The following FMN2 variants were observed in gnomAD, a reference collection of about 807,000 sequenced individuals.
The protein encoded by FMN2 is formin-2.
FMN2 carries 51 observed loss-of-function variants against 142.3 expected under a neutral mutation model. That is an observed-to-expected ratio of 0.36 (90% CI 0.29 to 0.45). The LOEUF is 0.45. Ranked by LOEUF, FMN2 falls within the 20% of genes least tolerant of loss-of-function variation. The pLI, the probability that FMN2 is intolerant of heterozygous loss-of-function variation, is 1.00. For missense variants in FMN2, 1,936 were observed against 2,122.8 expected (o/e 0.91, Z 1.73); for synonymous variants, 882 against 869.8 (o/e 1.01, Z -0.25).
chr1:240,355,944 C>T (rs768118453), intron 14 of FMN2, 36 bp downstream of exon 14: 17 of 337,658 alleles, frequency 5.0e-5, no homozygotes, highest in Non-Finnish European at 7.3e-5. Flanking sequence ...TTTTTCTCCC[C>T]TTTCAGCAAA....
At chr1:240,110,705 C>T (rs868358812) in intron 1 of FMN2, among the ~76,000 whole-genome samples, 4 of 151,938 alleles carry the variant, frequency 2.6e-5, no homozygotes, top group Non-Finnish European at 5.9e-5. Flanking sequence ...GGGATTAGTA[C>T]AGCAATAATT....
intron 4 of FMN2, among the ~76,000 whole-genome samples, chr1:240,190,226 G>A (rs988619105): frequency 1.3e-5 from 2 of 152,150 alleles, no homozygotes; most frequent in African/African-American, 4.8e-5. Flanking sequence ...GAAATAGATT[G>A]AATAAATGTT....
intron 1 of FMN2, among the ~76,000 whole-genome samples, chr1:240,095,000 T>C (rs1221388775): frequency 1.3e-5 from 2 of 152,178 alleles, no homozygotes. Flanking sequence ...CATACTCTTA[T>C]TTTTCTTCTT....
intron 8 of FMN2, among the ~76,000 whole-genome samples, chr1:240,324,649 A>G (rs1671093852): frequency 6.8e-6 from 1 of 146,164 alleles, no homozygotes; most frequent in South Asian, 2.4e-4. Flanking sequence ...CAACAGAGTG[A>G]CAGAGTGAGA....
At chr1:240,284,341 G>C (rs979520193) in intron 7 of FMN2, among the ~76,000 whole-genome samples, 1 of 151,942 alleles carries the variant, frequency 6.6e-6, no homozygotes, top group African/African-American at 2.4e-5. Flanking sequence ...CTTTTAAGCT[G>C]GGGGGGAGGA....
chr1:240,168,986 G>A (rs1413385620), intron 2 of FMN2, among the ~76,000 whole-genome samples: 3 of 152,172 alleles, frequency 2.0e-5, no homozygotes, highest in African/African-American at 7.2e-5. Flanking sequence ...GGCCAGGCAG[G>A]TGGATCATGA....
chr1:240,250,348 C>G (rs1262351916), intron 6 of FMN2, among the ~76,000 whole-genome samples: 3 of 152,076 alleles, frequency 2.0e-5, no homozygotes, highest in African/African-American at 7.2e-5. Flanking sequence ...TTGAGATGAT[C>G]ATATGGCTTT....
chr1:240,334,285 G>T, intron 13 of FMN2, 56 bp downstream of exon 13: 1 of 1,485,496 alleles, frequency 6.7e-7, no homozygotes, highest in Non-Finnish European at 8.9e-7. Flanking sequence ...ATGAGAGAAG[G>T]CAGACTTTTC....
At chr1:240,237,730 C>G (rs1454873688) in intron 6 of FMN2, among the ~76,000 whole-genome samples, 1 of 131,432 alleles carries the variant, frequency 7.6e-6, no homozygotes, top group Non-Finnish European at 1.6e-5. Flanking sequence ...GGGCTTAGTA[C>G]TTTATCTTGG....
chr1:240,334,132 C>G lies in FMN2; in HGVS notation c.4668C>G (p.Leu1556=). Residue 1556 remains leucine, a synonymous_variant, in exon 13 of 18, where the codon CTC becomes CTG. Transcript: ENST00000319653. ...AGGATGCTGGAAAAGAACAGTGCCT[C>G]TTTCCACTGCCAGAACCCCAGGACC... ...FDEDAGKEQC[L]FPLPEPQDLF... The G allele has an allele frequency of 6.2e-7, 1 of 1,603,250 alleles. No homozygotes were observed. Among genetic ancestry groups the G allele is most frequent in the Non-Finnish European group, 8.5e-7 (1 of 1,177,266 alleles).
intron 4 of FMN2, among the ~76,000 whole-genome samples, chr1:240,196,737 T>C (rs1465531371): frequency 6.6e-6 from 1 of 152,138 alleles, no homozygotes; most frequent in Non-Finnish European, 1.5e-5. Flanking sequence ...GGTCTCAAAC[T>C]CCTGACCTCA....
At chr1:240,210,626 C>T (rs867459068) in intron 5 of FMN2, among the ~76,000 whole-genome samples, 8 of 152,112 alleles carry the variant, frequency 5.3e-5, no homozygotes, top group African/African-American at 1.2e-4. Context: ...TGGTACTACA[C>T]GAATCTGCAG....
intron 6 of FMN2, among the ~76,000 whole-genome samples, chr1:240,222,843 GT>G (rs1667169732): frequency 6.6e-6 from 1 of 152,174 alleles, no homozygotes; most frequent in African/African-American, 2.4e-5. Context: ...CATTGATTTT[GT>G]ATCCTGAGAC....
In FMN2 at chr1:240,349,971, A is replaced by G. The variant is rs549867982; in HGVS notation, c.4766-5845A>G. On this transcript the variant is annotated intron_variant, in intron 13 of 17. Transcript: ENST00000319653. ...TGTTCGGTATTTTTTTTTTTTATTT[A>G]CATAGTCACATACCAATTTTGAGGA... Among the ~76,000 whole-genome samples the G allele has an allele frequency of 2.8e-3, 427 of 149,876 alleles. 4 individuals carry two copies. The highest frequency in any genetic ancestry group is 9.7e-3 in the African/African-American group (393 of 40,564).
In FMN2 at chr1:240,093,632, C is replaced by G; in HGVS notation, c.1523C>G (p.Ala508Gly). ...GSAHLLERGV[A>G]SDSGGGVSPA... ...GCGCACCTGCTGGAGCGCGGGGTGG[C>G]GAGTGACAGCGGCGGTGGGGTGTCC... The change falls in exon 1 of 18, where the codon GCG (alanine) becomes GGG (glycine). Residue 508 changes from alanine (A) to glycine (G), a missense_variant. Around this residue, in one of 8 missense-constraint regions of FMN2, gnomAD observed 751 missense variants for 791.8 expected, o/e 0.95. Transcript: ENST00000319653. 7.0e-7 allele frequency: 1 copy of G among 1,420,132 alleles called. No individual in the cohort carries two copies. Among genetic ancestry groups the G allele is most frequent in the Non-Finnish European group, 9.1e-7 (1 of 1,098,712 alleles). 88.0% of individuals were successfully genotyped at this position (1,420,132 alleles called of 1,614,324 possible).
rs544790887 is a variant in FMN2 at position 240,127,673 on chromosome 1, C to T, written c.1782+4328C>T. 9.5e-4 allele frequency among the ~76,000 whole-genome samples: 144 copies of T among 152,200 alleles called. 1 individual carries two copies. The highest frequency in any genetic ancestry group is 1.7e-3 in the Non-Finnish European group (117 of 68,008). ...TTTAAGTTGTTGTTATAGACAGGGT[C>T]TCACTGTGATGTCCCAAGTTGGTCT... On this transcript the variant is annotated intron_variant, in intron 2 of 17. Transcript: ENST00000319653.
chr1:240,316,352 G>A (rs1572185775), intron 8 of FMN2, among the ~76,000 whole-genome samples: 1 of 152,180 alleles, frequency 6.6e-6, no homozygotes, highest in East Asian at 1.9e-4. Flanking sequence ...TAAAGACCCA[G>A]CAGATGGAGC....
chr1:240,196,818 A>T (rs1247071168), intron 4 of FMN2, among the ~76,000 whole-genome samples: 1 of 152,198 alleles, frequency 6.6e-6, no homozygotes, highest in Non-Finnish European at 1.5e-5. Context: ...TCTGGTGCAC[A>T]TTGAGCTTAA....
intron 1 of FMN2, among the ~76,000 whole-genome samples, chr1:240,106,637 T>C (rs1661619578): frequency 6.6e-6 from 1 of 152,098 alleles, no homozygotes; most frequent in Admixed American, 6.6e-5. Context: ...AAAATATACC[T>C]CCAAAAATAT....
Sources: allele counts gnomAD v4.1 joint callset (sites outside exome capture counted in the v4.1 genomes callset), GRCh38; gene constraint gnomAD v4.1.1; regional missense constraint gnomAD v4.1.1; transcripts MANE v1.5; gene names NCBI Gene and HGNC (gene_info 2026-07-23, HGNC 2026-07-21).